PRB2: variants seen among roughly 807,000 people sequenced by gnomAD.
PRB2 encodes proline rich protein BstNI subfamily 2.
Under a neutral mutation model 8.3 loss-of-function variants are expected in PRB2, and 12 were observed. The observed-to-expected ratio is 1.45, with a 90% CI of 0.93 to 2.35. PRB2 has a LOEUF of 2.35. Among genes scored for constraint, PRB2 ranks in the 30% most tolerant of loss-of-function variants. The probability of loss-of-function intolerance (pLI) is 0.00; values close to 1 mark genes in which losing one functional copy is unlikely to be tolerated. For missense variants in PRB2, 470 were observed against 507.0 expected, an observed-to-expected ratio of 0.93 and a Z score of 0.70; for synonymous variants, 146 against 180.0, an observed-to-expected ratio of 0.81 and a Z score of 1.51.
At chr12:11,394,070 AG>A in intron 2 of PRB2, 93 bp from the exon 3 acceptor site, 2 of 1,527,310 alleles carry the variant, frequency 1.3e-6, no homozygotes, top group Non-Finnish European at 1.8e-6. Flanking sequence ...TTGGGTAACA[AG>A]CTGAGTGGGG....
At chr12:11,395,109 C>T (rs1295685099) in intron 1 of PRB2, among the ~76,000 whole-genome samples, 1 of 152,102 alleles carries the variant, frequency 6.6e-6, no homozygotes, top group Admixed American at 6.5e-5. Flanking sequence ...ATGCACTGTA[C>T]AGCAAGGCCA....
In PRB2 at chr12:11,393,712, G is replaced by A. The variant is rs773254188; in HGVS notation, c.366C>T (p.Pro122=). Residue 122 remains proline (P), a synonymous_variant, in exon 3 of 4, where the codon CCC becomes CCT. Transcript: ENST00000389362. The part of the protein sequence containing the change: ...RSPPGKPQGP[P]PQGGNQPQGP... Reference sequence around the variant, plus strand: ...CTTGAGGCTGGTTGCCTCCTTGTGGGGGTGGTCCTTGTGGCTTTCCTGGAG... The same window carrying A: ...CTTGAGGCTGGTTGCCTCCTTGTGGAGGTGGTCCTTGTGGCTTTCCTGGAG... 10 of 1,598,666 alleles carry A rather than the reference G, an allele frequency of 6.3e-6. No homozygotes were observed. In the African/African-American group the frequency reaches 9.7e-5, roughly 16 times the overall value.
chr12:11,393,133 A>C lies in PRB2; in HGVS notation c.945T>G (p.Pro315=). ...QGPPPQGGNQ[P]QGPPPPPGKP... is the part of the protein sequence containing the mutation. ...TTCCTGGAGGAGGTGGGGGACCTTG[A>C]GGCTGGTTGCCTCCTTGTGGGGGTG... Residue 315 remains proline (P), a synonymous_variant, in exon 3 of 4, where the codon CCT becomes CCG. Transcript: ENST00000389362. 6.4e-7 allele frequency: 1 copy of C among 1,556,586 alleles called. No homozygotes were observed. Among genetic ancestry groups the C allele is most frequent in the Non-Finnish European group, 8.6e-7 (1 of 1,159,078 alleles).
chr12:11,393,898 T>A lies in PRB2; in HGVS notation c.180A>T (p.Pro60=). ...PPSPPGKPQG[P]PPQGGNQPQG... ...GAGGCTGGTTGCCTCCTTGTGGGGG[T>A]GGTCCTTGTGGCTTTCCTGGAGGAG... is the stretch of plus-strand genomic sequence containing the variant. The change falls in exon 3 of 4, where the codon CCA becomes CCT. Residue 60 remains proline (P), a synonymous_variant. Transcript: ENST00000389362. 7.0e-7 allele frequency: 1 copy of A among 1,436,114 alleles called. No individual in the cohort carries two copies. Among genetic ancestry groups the A allele is most frequent in the Non-Finnish European group, 9.3e-7 (1 of 1,080,754 alleles). 89.0% of individuals were successfully genotyped at this position (1,436,114 alleles called of 1,614,324 possible).
chr12:11,391,854 C>T (rs1409100818), intron 3 of PRB2, among the ~76,000 whole-genome samples: 5 of 141,058 alleles, frequency 3.5e-5, no homozygotes, highest in African/African-American at 5.5e-5. Context: ...TTGTTCCTTA[C>T]GTGATGAAGA....
rs765857448 is a variant in PRB2 at position 11,393,806 on chromosome 12, C to A, written c.272G>T (p.Gly91Val). The change falls in exon 3 of 4, where the codon GGT becomes GTT. Residue 91 changes from glycine to valine, a missense_variant. Transcript: ENST00000389362. ...TTGTGGCTTTCCTGGAGGTGGGGGA[C>A]CTTGAGGTTTGTTGCCTCCTTGTGG... The part of the protein sequence containing the change: ...PPPQGGNKPQ[G>V]PPPPGKPQGP... The A allele has an allele frequency of 9.6e-6, 14 of 1,458,528 alleles. No individual in the cohort carries two copies. Among genetic ancestry groups the A allele is most frequent in the East Asian group, 3.0e-5 (1 of 33,228 alleles). 90.3% of individuals were successfully genotyped at this position (1,458,528 alleles called of 1,614,324 possible). A position where few individuals can be genotyped will look rare whatever the true frequency, so the allele number is the denominator to read the frequency against.
chr12:11,393,748 A>C lies in PRB2; in HGVS notation c.330T>G (p.Ser110Arg). The stretch of plus-strand genomic sequence containing the variant: ...GTGGCTTTCCTGGAGGAGATCGGGG[A>C]CTTCGGGACTTGTCTCCTTGTGGGG... The part of the protein sequence containing the change: ...GPPPQGDKSR[S>R]PRSPPGKPQG... Residue 110 changes from serine (S) to arginine (R), a missense_variant, in exon 3 of 4, where the codon AGT becomes AGG. Ser to Arg is a moderately radical substitution (Grantham distance 110). This residue lies in a region of PRB2 where 211 missense variants were observed against 207.7 expected (regional missense o/e 1.02). Coordinates refer to ENST00000389362, the MANE Select transcript of PRB2 (RefSeq NM_006248.4). The C allele has an allele frequency of 6.4e-7, 1 of 1,569,266 alleles. No individual in the cohort carries two copies. Among genetic ancestry groups the C allele is most frequent in the Non-Finnish European group, 8.6e-7 (1 of 1,163,944 alleles).
rs539707080 is a variant in PRB2, at chr12:11,392,966, T to G, written c.1112A>C (p.Gln371Pro). ...ACCTTGAGGATTGTTGCCTTCTTGTTGGGGTGGTCCTTGTGGCTTTCCTGG... is the reference window on the plus strand; with the variant it reads ...ACCTTGAGGATTGTTGCCTTCTTGTGGGGGTGGTCCTTGTGGCTTTCCTGG... ...SPPGKPQGPPQQEGNNPQGPP... is the reference protein window; with the variant it reads ...SPPGKPQGPPPQEGNNPQGPP... Residue 371 changes from glutamine (Q) to proline (P), a missense_variant, in exon 3 of 4, where the codon CAA becomes CCA. Physicochemically the swap from Gln to Pro is moderately conservative, Grantham distance 76. Coordinates refer to ENST00000389362, the MANE Select transcript of PRB2 (RefSeq NM_006248.4). The G allele has an allele frequency of 1.7e-4, 277 of 1,603,136 alleles. 1 individual carries two copies. The highest frequency in any genetic ancestry group is 1.8e-4 in the East Asian group (8 of 44,256).
At chr12:11,394,912 T>C (rs6488402) in intron 1 of PRB2, among the ~76,000 whole-genome samples, 20,860 of 151,826 alleles carry the variant, frequency 0.14, 3,306 homozygotes, top group African/African-American at 0.38. Context: ...GAAGTAATCA[T>C]TTCAATACAA....
Position 11,393,660 on chromosome 12 carries a change from G to T in PRB2, c.418C>A (p.Gln140Lys), listed in dbSNP as rs1300486860. 6.4e-7 allele frequency: 1 copy of T among 1,566,494 alleles called. No individual in the cohort carries two copies. The highest frequency in any genetic ancestry group is 8.6e-7 in the Non-Finnish European group (1 of 1,158,280). Residue 140 changes from glutamine to lysine, a missense_variant, in exon 3 of 4, where the codon CAA becomes AAA. Coordinates refer to ENST00000389362, the MANE Select transcript of PRB2 (RefSeq NM_006248.4). ...QGPPPPPGKP[Q>K]GPPPQGGNKP... ...TTGCCTCCTTGTGGGGGTGGTCCTT[G>T]TGGCTTTCCTGGAGGAGGTGGAGGA...
At position 11,392,962 on chromosome 12, in the gene PRB2, T is replaced by C. The variant is rs1864337564; in HGVS notation, c.1116A>G (p.Gln372=). The change falls in exon 3 of 4, where the codon CAA becomes CAG. Residue 372 remains glutamine (Q), a synonymous_variant. Transcript: ENST00000389362. ...GGGGACCTTGAGGATTGTTGCCTTCTTGTTGGGGTGGTCCTTGTGGCTTTC... is the reference window on the plus strand; with the variant it reads ...GGGGACCTTGAGGATTGTTGCCTTCCTGTTGGGGTGGTCCTTGTGGCTTTC... ...PPGKPQGPPQ[Q]EGNNPQGPPP... is the part of the protein sequence containing the mutation. 2 of 1,612,202 alleles carry C rather than the reference T, an allele frequency of 1.2e-6. No individual in the cohort carries two copies. The highest frequency in any genetic ancestry group is 1.3e-5 in the African/African-American group (1 of 74,376).
rs778650432 is a variant in PRB2 at position 11,395,553 on chromosome 12, T to C, written c.-24A>G. The C allele has an allele frequency of 1.9e-6, 3 of 1,606,152 alleles. No homozygotes were observed. Among genetic ancestry groups the C allele is most frequent in the Non-Finnish European group, 2.6e-6 (3 of 1,174,240 alleles). On this transcript the variant is annotated 5_prime_UTR_variant, in exon 1 of 4. Coordinates refer to ENST00000389362, the MANE Select transcript of PRB2 (RefSeq NM_006248.4). ...ATCTTGCAGGAGGCTCTGGAGTCAC[T>C]CCCAACTCTGTGCTGGGAGGAACGT...
At chr12:11,395,382 A>T in intron 1 of PRB2, 84 bp downstream of exon 1, 3 of 1,571,752 alleles carry the variant, frequency 1.9e-6, no homozygotes, top group South Asian at 2.2e-5. Flanking sequence ...CTGTGTTTTC[A>T]TTCTCCTCTC....
intron 2 of PRB2, 116 bp downstream of exon 2, chr12:11,394,379 C>G (rs1189005025): frequency 7.1e-6 from 9 of 1,274,276 alleles, no homozygotes; most frequent in African/African-American, 1.5e-5. Flanking sequence ...TTATTAGGAG[C>G]ACTAACATTA....
intron 1 of PRB2, among the ~76,000 whole-genome samples, chr12:11,395,117 C>T (rs980538912): frequency 6.6e-5 from 10 of 152,030 alleles, no homozygotes; most frequent in African/African-American, 2.4e-4. Flanking sequence ...TACAGCAAGG[C>T]CACCATCATC....
At chr12:11,394,415 A>G (rs935047086) in intron 2 of PRB2, 80 bp downstream of exon 2, 54 of 1,513,696 alleles carry the variant, frequency 3.6e-5, no homozygotes, top group African/African-American at 5.5e-5. Flanking sequence ...GAAAGTTTTG[A>G]TAAGAAGACA....
intron 1 of PRB2, 28 bp from the exon 2 acceptor site, chr12:11,394,558 A>T (rs377577724): frequency 1.7e-5 from 28 of 1,611,566 alleles, no homozygotes; most frequent in Non-Finnish European, 2.0e-5. Flanking sequence ...GATGATGGGA[A>T]CAGTTACATC....
chr12:11,394,777 A>G (rs1193738072), intron 1 of PRB2, among the ~76,000 whole-genome samples: 1 of 152,140 alleles, frequency 6.6e-6, no homozygotes, highest in African/African-American at 2.4e-5. Context: ...GCATCCCTCA[A>G]GACTTAATGC....
chr12:11,394,030 C>T, intron 2 of PRB2, 53 bp from the exon 3 acceptor site: 2 of 1,608,736 alleles, frequency 1.2e-6, no homozygotes, highest in African/African-American at 1.3e-5. Flanking sequence ...TACAAGATTC[C>T]CTGAATAGTT....
Sources: gnomAD v4.1 joint callset for allele counts (sites outside exome capture counted in the v4.1 genomes callset) on GRCh38, gnomAD v4.1.1 for gene constraint, gnomAD v4.1.1 regional missense constraint, MANE v1.5 for transcripts, NCBI Gene and HGNC (gene_info 2026-07-23, HGNC 2026-07-21) for gene names.